The following ROR1 variants were observed in gnomAD, a reference collection of about 807,000 sequenced individuals.
ROR1 encodes the protein ROR family WNT receptor 1, also known as inactive tyrosine-protein kinase transmembrane receptor ROR1.
Under a neutral mutation model 78.8 loss-of-function variants are expected in ROR1, and 19 were observed. The observed-to-expected ratio is 0.24, with a 90% CI of 0.17 to 0.35. The LOEUF (loss-of-function observed/expected upper bound fraction) is 0.35, where lower values mean the gene tolerates loss of function less well. Among genes scored for constraint, ROR1 ranks in the 10% least tolerant of loss-of-function variants. The pLI, the probability that ROR1 is intolerant of heterozygous loss-of-function variation, is 1.00. For synonymous variants in ROR1, 386 were observed against 433.6 expected (o/e 0.89, Z 1.36); for missense variants, 917 against 1,177.8 (o/e 0.78, Z 3.24).
chr1:63,846,118 ATGTGTG>A (rs71056009), intron 1 of ROR1, among the ~76,000 whole-genome samples: 12,807 of 136,018 alleles, frequency 0.094, 609 homozygotes, highest in Non-Finnish European at 0.11. Context: ...GAGAGAGAGA[ATGTGTG>A]TGTGTGTGTG....
intron 1 of ROR1, among the ~76,000 whole-genome samples, chr1:63,927,399 G>T (rs1416591054): frequency 1.4e-5 from 2 of 144,310 alleles, no homozygotes; most frequent in Admixed American, 1.4e-4. Flanking sequence ...ATGTGCTGCT[G>T]GATTTGTTTT....
chr1:63,897,236 G>A lies in ROR1; in HGVS notation c.92-112069G>A, dbSNP rs557070028. ...TTAATTTTGTACTATTTTTAAAAAT[G>A]TAACCTTCGACAAAATAAAAGGATA... On this transcript the variant is annotated intron_variant, in intron 1 of 8. Transcript: ENST00000371079. Among the ~76,000 whole-genome samples, 8 of 152,268 alleles carry A rather than the reference G, an allele frequency of 5.3e-5. No individual in the cohort carries two copies. The South Asian group carries it at 1.7e-3, about 32-fold the overall frequency.
At chr1:63,867,343 C>G (rs1409374675) in intron 1 of ROR1, among the ~76,000 whole-genome samples, 1 of 152,090 alleles carries the variant, frequency 6.6e-6, no homozygotes, top group African/African-American at 2.4e-5. Context: ...TGTCTTTGAC[C>G]TTTTCCTTAG....
intron 1 of ROR1, among the ~76,000 whole-genome samples, chr1:63,892,597 T>C (rs1645406084): frequency 6.6e-6 from 1 of 152,152 alleles, no homozygotes; most frequent in African/African-American, 2.4e-5. Context: ...CACCAACCAG[T>C]GATTAGCCAC....
intron 1 of ROR1, among the ~76,000 whole-genome samples, chr1:63,996,175 A>C (rs530420888): frequency 9.8e-5 from 15 of 152,286 alleles, no homozygotes; most frequent in African/African-American, 3.4e-4. Context: ...AGAAGCATAC[A>C]ATCTTATTAA....
intron 1 of ROR1, among the ~76,000 whole-genome samples, chr1:63,830,183 C>T (rs938534703): frequency 6.6e-6 from 1 of 152,094 alleles, no homozygotes; most frequent in African/African-American, 2.4e-5. Flanking sequence ...TTTGAATCTG[C>T]TTTTAAGTCC....
intron 4 of ROR1, among the ~76,000 whole-genome samples, chr1:64,062,593 G>A (rs1322396222): frequency 2.0e-5 from 3 of 152,120 alleles, no homozygotes; most frequent in Non-Finnish European, 4.4e-5. Flanking sequence ...TTACAGGCAT[G>A]AGCCACTGTG....
chr1:64,028,305 C>A (rs900011811), intron 2 of ROR1, among the ~76,000 whole-genome samples: 6 of 152,094 alleles, frequency 3.9e-5, no homozygotes, highest in African/African-American at 1.4e-4. Context: ...TGCTCACAGT[C>A]TAGTGGAAGA....
intron 1 of ROR1, among the ~76,000 whole-genome samples, chr1:63,786,513 C>A (rs1040334390): frequency 6.6e-6 from 1 of 150,924 alleles, no homozygotes; most frequent in Non-Finnish European, 1.5e-5. Flanking sequence ...ACCCCGTGAT[C>A]CTCCCGCCTC....
chr1:63,891,396 G>A (rs910279646), intron 1 of ROR1, among the ~76,000 whole-genome samples: 21 of 152,114 alleles, frequency 1.4e-4, no homozygotes, highest in African/African-American at 5.1e-4. Context: ...CTTTGTCTGA[G>A]GCACTTAGAG....
At chr1:64,058,939 A>G (rs1646895554) in intron 4 of ROR1, among the ~76,000 whole-genome samples, 1 of 151,472 alleles carries the variant, frequency 6.6e-6, no homozygotes, top group African/African-American at 2.5e-5. Flanking sequence ...ATCACCAGAA[A>G]AGTAATCTGG....
intron 1 of ROR1, among the ~76,000 whole-genome samples, chr1:63,930,926 A>C (rs1226121482): frequency 6.6e-6 from 1 of 152,210 alleles, no homozygotes; most frequent in Non-Finnish European, 1.5e-5. Flanking sequence ...AGTTAGATTA[A>C]ATTTAACTTA....
At chr1:63,778,340 A>G (rs1319869179) in intron 1 of ROR1, among the ~76,000 whole-genome samples, 1 of 152,220 alleles carries the variant, frequency 6.6e-6, no homozygotes, top group Non-Finnish European at 1.5e-5. Flanking sequence ...ATTTTCCAAG[A>G]AAAGTGTCAA....
chr1:63,960,394 G>A (rs1439029988), intron 1 of ROR1, among the ~76,000 whole-genome samples: 1 of 152,182 alleles, frequency 6.6e-6, no homozygotes, highest in Non-Finnish European at 1.5e-5. Context: ...GGTCAAGACC[G>A]TCAAGGGAGA....
At chr1:63,963,067 A>G (rs1197887988) in intron 1 of ROR1, among the ~76,000 whole-genome samples, 1 of 152,192 alleles carries the variant, frequency 6.6e-6, no homozygotes, top group Non-Finnish European at 1.5e-5. Context: ...TACACTAGAC[A>G]GTGAGTTTCT....
intron 4 of ROR1, among the ~76,000 whole-genome samples, chr1:64,122,074 AT>A (rs1033451765): frequency 2.0e-5 from 3 of 152,164 alleles, no homozygotes; most frequent in African/African-American, 7.2e-5. Flanking sequence ...CTTAGCCTGC[AT>A]TTAGTTGACT....
At chr1:63,787,766 T>C (rs1190231061) in intron 1 of ROR1, among the ~76,000 whole-genome samples, 3 of 152,200 alleles carry the variant, frequency 2.0e-5, no homozygotes, top group African/African-American at 7.2e-5. Flanking sequence ...CCTCAAGTGA[T>C]CCACCCACCT....
At chr1:63,799,120 G>C (rs904576250) in intron 1 of ROR1, among the ~76,000 whole-genome samples, 1 of 152,030 alleles carries the variant, frequency 6.6e-6, no homozygotes, top group African/African-American at 2.4e-5. Context: ...AGATGATCAT[G>C]TCTACCTTAA....
chr1:63,984,789 A>C (rs1646238027), intron 1 of ROR1, among the ~76,000 whole-genome samples: 2 of 152,182 alleles, frequency 1.3e-5, no homozygotes, highest in South Asian at 4.1e-4. Flanking sequence ...ACATGGACAG[A>C]TATACAATAT....
Sources: allele counts gnomAD v4.1 joint callset (sites outside exome capture counted in the v4.1 genomes callset), GRCh38; gene constraint gnomAD v4.1.1; transcripts MANE v1.5; gene names NCBI Gene and HGNC (gene_info 2026-07-23, HGNC 2026-07-21).